ABTB2: variants seen among roughly 807,000 people sequenced by gnomAD.
The protein encoded by ABTB2 is ankyrin repeat and BTB/POZ domain-containing protein 2.
ABTB2 carries 56 observed loss-of-function variants against 104.1 expected under a neutral mutation model. That is an observed-to-expected ratio of 0.54 (90% CI 0.43 to 0.67). ABTB2 has a LOEUF of 0.67. ABTB2 is among the 30% of genes least tolerant of loss of function. The probability of loss-of-function intolerance (pLI) is 0.00; values close to 1 mark genes in which losing one functional copy is unlikely to be tolerated. For synonymous variants in ABTB2, 606 were observed against 608.2 expected (o/e 1.00, Z 0.05); for missense variants, 1,279 against 1,407.7 (o/e 0.91, Z 1.46).
chr11:34,174,796 G>T (rs1295610650), intron 3 of ABTB2, among the ~76,000 whole-genome samples: 1 of 142,884 alleles, frequency 7.0e-6, no homozygotes, highest in Non-Finnish European at 1.5e-5. Context: ...TCCATCACAG[G>T]AACAAGGCAG....
rs748847004 is a variant in ABTB2, at chr11:34,154,291, C to T, written c.2854G>A (p.Ala952Thr). The change falls in exon 16 of 17, where the codon GCC becomes ACC. Residue 952 changes from alanine to threonine, a missense_variant. By Grantham distance (58) the Ala-to-Thr change is moderately conservative. Coordinates refer to ENST00000435224, the MANE Select transcript of ABTB2 (RefSeq NM_145804.3). The surrounding 1 kb of genome is among the most constrained non-coding windows in gnomAD (Gnocchi z 4.9). ...TTGGCATATTTGTAGGTGTTCACGG[C>T]ACTCTCCATGCTGAGGGTCTGGGAG... The part of the protein sequence containing the change: ...LCSQTLSMES[A>T]VNTYKYAKIH... 1 of 1,614,050 alleles carries T rather than the reference C, an allele frequency of 6.2e-7. No homozygotes were observed. The highest frequency in any genetic ancestry group is 1.1e-5 in the South Asian group (1 of 91,044).
chr11:34,337,424 A>C (rs1419126210), intron 1 of ABTB2, among the ~76,000 whole-genome samples: 2 of 152,262 alleles, frequency 1.3e-5, no homozygotes, highest in Non-Finnish European at 2.9e-5. Flanking sequence ...ACCTTGAGGA[A>C]AGATGGCACA....
intron 1 of ABTB2, among the ~76,000 whole-genome samples, chr11:34,229,891 A>G (rs750406006): frequency 7.2e-5 from 11 of 152,176 alleles, no homozygotes; most frequent in Non-Finnish European, 1.3e-4. Flanking sequence ...GGCATTAGCT[A>G]TCTTTGGAAC....
intron 2 of ABTB2, among the ~76,000 whole-genome samples, chr11:34,201,119 A>T (rs1217531920): frequency 2.0e-5 from 3 of 152,182 alleles, no homozygotes; most frequent in African/African-American, 7.2e-5. Flanking sequence ...GGATAGTTTG[A>T]GAAGGCCTGA....
Position 34,308,038 on chromosome 11 carries a change from A to AT in ABTB2, c.883+48662dup, listed in dbSNP as rs370459313. On this transcript the variant is annotated intron_variant, in intron 1 of 16. Coordinates refer to ENST00000435224, the MANE Select transcript of ABTB2 (RefSeq NM_145804.3). The stretch of plus-strand genomic sequence containing the variant: ...ACAGCATGATGGAATCAAAAGGTGG[A>AT]TTTTTTGGAATCAGGACCCTTTGGG... Among the ~76,000 whole-genome samples, 48 of 152,222 alleles carry AT rather than the reference A, an allele frequency of 3.2e-4. No homozygotes were observed. In the South Asian group the frequency reaches 9.7e-3, roughly 31 times the overall value.
intron 1 of ABTB2, among the ~76,000 whole-genome samples, chr11:34,250,537 A>G (rs1201625753): frequency 6.6e-6 from 1 of 152,224 alleles, no homozygotes; most frequent in African/African-American, 2.4e-5. Flanking sequence ...AACTGCAACA[A>G]TTTTTCAAAC....
intron 1 of ABTB2, among the ~76,000 whole-genome samples, chr11:34,270,104 C>T (rs1342404790): frequency 6.6e-6 from 1 of 152,198 alleles, no homozygotes; most frequent in Admixed American, 6.5e-5. Context: ...GGATGCACAA[C>T]GATCCAAGTC....
intron 1 of ABTB2, among the ~76,000 whole-genome samples, chr11:34,220,157 A>T (rs1853601242): frequency 6.6e-6 from 1 of 152,230 alleles, no homozygotes; most frequent in Non-Finnish European, 1.5e-5. Context: ...GCCAGAGGTC[A>T]CTATGTCATT....
chr11:34,304,013 A>C (rs1003873744), intron 1 of ABTB2, among the ~76,000 whole-genome samples: 1 of 152,178 alleles, frequency 6.6e-6, no homozygotes, highest in Non-Finnish European at 1.5e-5. Context: ...TAAATGGGAA[A>C]TATACAGAAA....
At chr11:34,229,210 C>T (rs373461219) in intron 1 of ABTB2, among the ~76,000 whole-genome samples, 64 of 151,374 alleles carry the variant, frequency 4.2e-4, no homozygotes, top group Admixed American at 1.2e-3. Flanking sequence ...TGGCCGGGTG[C>T]GGTGGCTCAC....
chr11:34,160,214 G>C (rs371809150), intron 12 of ABTB2, 34 bp downstream of exon 12: 4 of 1,535,894 alleles, frequency 2.6e-6, no homozygotes, highest in East Asian at 4.5e-5. Flanking sequence ...GGGAGGACGT[G>C]TGGTGATGCA....
chr11:34,346,429 C>T (rs1213935536), intron 1 of ABTB2, among the ~76,000 whole-genome samples: 2 of 152,068 alleles, frequency 1.3e-5, no homozygotes, highest in South Asian at 2.1e-4. Context: ...AGCATGAGGT[C>T]GGCCAAAAGC....
In ABTB2 at chr11:34,251,529, A is replaced by T. The variant is rs890433443; in HGVS notation, c.884-46839T>A. On this transcript the variant is annotated intron_variant, in intron 1 of 16. Coordinates refer to ENST00000435224, the MANE Select transcript of ABTB2 (RefSeq NM_145804.3). ...CCAACTGTTGACCGGTGTCCATGCCATGCCCAGCAGGATGTCAGCTATGCT... is the reference window on the plus strand; with the variant it reads ...CCAACTGTTGACCGGTGTCCATGCCTTGCCCAGCAGGATGTCAGCTATGCT... 2.0e-5 allele frequency among the ~76,000 whole-genome samples: 3 copies of T among 152,226 alleles called. No individual in the cohort carries two copies. The South Asian group carries it at 6.2e-4, about 31-fold the overall frequency.
intron 1 of ABTB2, among the ~76,000 whole-genome samples, chr11:34,268,800 C>T (rs892795174): frequency 6.6e-6 from 1 of 152,188 alleles, no homozygotes; most frequent in African/African-American, 2.4e-5. Context: ...CTAGACACAG[C>T]CCTCCACATC....
intron 12 of ABTB2, 69 bp from the exon 13 acceptor site, chr11:34,160,077 G>A: frequency 2.2e-6 from 3 of 1,377,856 alleles, no homozygotes; most frequent in Non-Finnish European, 3.1e-6. Flanking sequence ...TGAGTGTGCT[G>A]TGAGGTGCGT....
In ABTB2 at chr11:34,215,235, C is replaced by T. The variant is rs190468595; in HGVS notation, c.884-10545G>A. 1.2e-4 allele frequency among the ~76,000 whole-genome samples: 18 copies of T among 152,358 alleles called. No homozygotes were observed. The East Asian group carries it at 2.5e-3, about 21-fold the overall frequency. ...GCAAAGCCAGCGCAGGGAGTGACAGCTGAGCTGCATCCTTCCCCTGCTAGG... is the reference window on the plus strand; with the variant it reads ...GCAAAGCCAGCGCAGGGAGTGACAGTTGAGCTGCATCCTTCCCCTGCTAGG... On this transcript the variant is annotated intron_variant, in intron 1 of 16. Coordinates refer to ENST00000435224, the MANE Select transcript of ABTB2 (RefSeq NM_145804.3).
At chr11:34,161,532 G>T (rs1276029385) in intron 10 of ABTB2, among the ~76,000 whole-genome samples, 1 of 152,174 alleles carries the variant, frequency 6.6e-6, no homozygotes, top group Non-Finnish European at 1.5e-5. Flanking sequence ...GAATATGCCA[G>T]GCACTCAAGG....
At chr11:34,272,737 C>A (rs2611112) in intron 1 of ABTB2, among the ~76,000 whole-genome samples, 137,989 of 138,290 alleles carry the variant, frequency 1, 68,844 homozygotes, top group Middle Eastern at 1. Flanking sequence ...AAAAACCAAC[C>A]AACCATACAC....
chr11:34,332,485 A>AAG (rs1855143433), intron 1 of ABTB2, among the ~76,000 whole-genome samples: 1 of 152,184 alleles, frequency 6.6e-6, no homozygotes, highest in African/African-American at 2.4e-5. Context: ...CCCTTGACCT[A>AAG]AGGGAATTAA....
Sources: gnomAD v4.1 joint callset for allele counts (sites outside exome capture counted in the v4.1 genomes callset) on GRCh38, gnomAD v4.1.1 for gene constraint, Gnocchi (gnomAD v3.1) non-coding constraint, MANE v1.5 for transcripts, NCBI Gene and HGNC (gene_info 2026-07-23, HGNC 2026-07-21) for gene names.